Variants in SEPTIN8 observed in about 807,000 individuals in gnomAD.
SEPTIN8 encodes the protein septin 8.
In SEPTIN8, 22 loss-of-function variants were observed where a neutral mutation model predicts 53.1. That is an observed-to-expected ratio of 0.41 (90% CI 0.30 to 0.59). The LOEUF is 0.59. Among genes scored for constraint, SEPTIN8 ranks in the 20% least tolerant of loss-of-function variants. The pLI, the probability that SEPTIN8 is intolerant of heterozygous loss-of-function variation, is 0.24. For synonymous variants in SEPTIN8, 228 were observed against 248.4 expected (o/e 0.92, Z 0.77); for missense variants, 536 against 638.7 (o/e 0.84, Z 1.73).
chr5:132,759,713 C>T (rs1025829689), intron 9 of SEPTIN8, among the ~76,000 whole-genome samples: 10 of 152,122 alleles, frequency 6.6e-5, no homozygotes, highest in Admixed American at 3.9e-4. Context: ...GTTGGGTTCA[C>T]CTGCTTAGTT....
chr5:132,772,007 T>C (rs1757370802), intron 1 of SEPTIN8, among the ~76,000 whole-genome samples: 1 of 151,852 alleles, frequency 6.6e-6, no homozygotes, highest in African/African-American at 2.4e-5. Context: ...AACAGAAAAC[T>C]TGAGAGAAGA....
rs1757509125 is a variant in SEPTIN8 at position 132,773,470 on chromosome 5, C to G, written c.30+3638G>C. Among the ~76,000 whole-genome samples, 2 of 152,212 alleles carry G rather than the reference C, an allele frequency of 1.3e-5. No homozygotes were observed. Among genetic ancestry groups the G allele is most frequent in the South Asian group, 4.1e-4 (2 of 4,824 alleles). ...CCCCAAATATAATATATGCTTCCAC[C>G]TAGCCCATCCGAGGGCTCAAAACGC... On this transcript the variant is annotated intron_variant, in intron 1 of 9. Transcript: ENST00000378719. The surrounding 1 kb of genome is among the most constrained non-coding windows in gnomAD (Gnocchi z 4.2).
rs1757871427 is a variant in SEPTIN8 at position 132,777,036 on chromosome 5, C to G, written c.30+72G>C. The G allele has an allele frequency of 2.0e-6, 2 of 995,646 alleles. No homozygotes were observed. Among genetic ancestry groups the G allele is most frequent in the South Asian group, 4.9e-5 (1 of 20,446 alleles). 61.7% of individuals were successfully genotyped at this position (995,646 alleles called of 1,614,324 possible). The stretch of plus-strand genomic sequence containing the variant: ...GCGCTGACAGCCCGCTTCGCGCCCC[C>G]CGCCAGCTGCAGGGCGGCCCCTCCT... On this transcript the variant is annotated intron_variant, in intron 1 of 9. Coordinates refer to ENST00000378719, the MANE Select transcript of SEPTIN8 (RefSeq NM_001098811.2). The surrounding 1 kb of genome is among the most constrained non-coding windows in gnomAD (Gnocchi z 4.1).
At position 132,751,942 on chromosome 5, in the gene SEPTIN8, A is replaced by G. The variant is rs1754877604; in HGVS notation, c.*74T>C. ...GGAAAAGTATGGCGTTTTCTGTTCT[A>G]ACATTAAAAACCATGGTCTCCAGTT... On this transcript the variant is annotated 3_prime_UTR_variant, in exon 10 of 10. Transcript: ENST00000378719. 6.3e-7 allele frequency: 1 copy of G among 1,587,566 alleles called. No homozygotes were observed.
At chr5:132,770,093 ATATATATG>A (rs1363773886) in intron 1 of SEPTIN8, among the ~76,000 whole-genome samples, 1 of 29,838 alleles carries the variant, frequency 3.4e-5, no homozygotes, top group African/African-American at 2.8e-4. Flanking sequence ...ATATATGTAT[ATATATATG>A]TATATATGTA....
In SEPTIN8 at chr5:132,761,000, CAGAA is replaced by C. The variant is rs897368900; in HGVS notation, c.1096-12_1096-9del. On this transcript the variant is annotated splice_polypyrimidine_tract_variant and intron_variant, in intron 8 of 9. Coordinates refer to ENST00000378719, the MANE Select transcript of SEPTIN8 (RefSeq NM_001098811.2). The surrounding 1 kb of genome is among the most constrained non-coding windows in gnomAD (Gnocchi z 5.2). Reference sequence around the variant, plus strand: ...CTCAAACTTCTCATGGAGCTGGCATCAGAAAGGGGGCAGAAGATGCGGGGAGCAA... The same window carrying C: ...CTCAAACTTCTCATGGAGCTGGCATCAGGGGGCAGAAGATGCGGGGAGCAA... 3 of 1,580,638 alleles carry C rather than the reference CAGAA, an allele frequency of 1.9e-6. No homozygotes were observed. The highest frequency in any genetic ancestry group is 2.6e-6 in the Non-Finnish European group (3 of 1,163,318).
chr5:132,769,982 CA>C (rs1757011560), intron 1 of SEPTIN8, among the ~76,000 whole-genome samples: 3 of 55,354 alleles, frequency 5.4e-5, no homozygotes, highest in African/African-American at 1.2e-4. Context: ...TCTATATATA[CA>C]TATATATATA....
rs968237230 is a variant in SEPTIN8, at chr5:132,751,401, A to C, written c.*615T>G. 2 of 189,496 alleles carry C rather than the reference A, an allele frequency of 1.1e-5. No homozygotes were observed. The highest frequency in any genetic ancestry group is 4.7e-5 in the African/African-American group (2 of 42,178). The allele number at this position is 189,496 out of a possible 1,614,324, so 11.7% of individuals were successfully genotyped here. ...CACACAATCCTTATTGAAGCTTTAG[A>C]CCATATTGATCTGGCACTTAAAAAA... On this transcript the variant is annotated 3_prime_UTR_variant, in exon 10 of 10. Coordinates refer to ENST00000378719, the MANE Select transcript of SEPTIN8 (RefSeq NM_001098811.2).
intron 1 of SEPTIN8, among the ~76,000 whole-genome samples, chr5:132,770,159 A>ATATGTATG (rs1757172730): frequency 7.9e-6 from 1 of 127,160 alleles, no homozygotes; most frequent in Non-Finnish European, 1.5e-5. Context: ...ATATATATAT[A>ATATGTATG]TATATATGTA....
At chr5:132,754,175 A>G (rs1043487610) in intron 9 of SEPTIN8, 18 of 491,068 alleles carry the variant, frequency 3.7e-5, no homozygotes, top group African/African-American at 2.7e-4. Flanking sequence ...ATCCTGTATG[A>G]GTCTTATTTT....
rs1755885281 is a variant in SEPTIN8, at chr5:132,761,043, G to C, written c.1096-51C>G. 5.0e-6 allele frequency: 8 copies of C among 1,597,524 alleles called. No homozygotes were observed. The highest frequency in any genetic ancestry group is 6.8e-6 in the Non-Finnish European group (8 of 1,171,022). ...TGCGGGGAGCAAGAGGAGGGCTTGA[G>C]CCTGGGCCAGGAAGGCACCCCCACC... On this transcript the variant is annotated intron_variant, in intron 8 of 9. Coordinates refer to ENST00000378719, the MANE Select transcript of SEPTIN8 (RefSeq NM_001098811.2). This position sits in a 1 kb window ranked among gnomAD's most constrained non-coding sequence, Gnocchi z 5.8.
At chr5:132,762,005 G>C in intron 5 of SEPTIN8, 109 bp from the exon 6 acceptor site, 1 of 878,296 alleles carries the variant, frequency 1.1e-6, no homozygotes, top group Non-Finnish European at 1.7e-6. Context: ...CTGAACAAAG[G>C]CTCCAGGGCC....
In SEPTIN8 at chr5:132,775,732, C is replaced by G. The variant is rs1246048350; in HGVS notation, c.30+1376G>C. The G allele has an allele frequency of 2.6e-5, 4 of 152,242 alleles. No individual in the cohort carries two copies. The East Asian group carries it at 7.7e-4, about 29-fold the overall frequency. The allele number at this position is 152,242 out of a possible 1,614,324, so 9.4% of individuals were successfully genotyped here. On this transcript the variant is annotated intron_variant, in intron 1 of 9. Transcript: ENST00000378719. ...ACACATGCAGAGACACCCAGGCACTCACGGGTCTCTTGGCCTCCAGCTAAT... is the reference window on the plus strand; with the variant it reads ...ACACATGCAGAGACACCCAGGCACTGACGGGTCTCTTGGCCTCCAGCTAAT...
Position 132,752,885 on chromosome 5 carries a change from G to T in SEPTIN8, c.1287-704C>A, listed in dbSNP as rs113053342. The T allele has an allele frequency of 1.5e-5, 24 of 1,613,900 alleles. No homozygotes were observed. In the African/African-American group the frequency reaches 2.9e-4, roughly 20 times the overall value. ...ATACAGGTTGGTGATATGCAGTACAGCTGCTGCAAGGAACTTGTAATGCAG... is the reference window on the plus strand; with the variant it reads ...ATACAGGTTGGTGATATGCAGTACATCTGCTGCAAGGAACTTGTAATGCAG... On this transcript the variant is annotated intron_variant, in intron 9 of 9. Coordinates refer to ENST00000378719, the MANE Select transcript of SEPTIN8 (RefSeq NM_001098811.2).
chr5:132,754,947 A>G (rs1483542615), intron 9 of SEPTIN8, among the ~76,000 whole-genome samples: 1 of 152,202 alleles, frequency 6.6e-6, no homozygotes, highest in African/African-American at 2.4e-5. Context: ...GGAACAGGGC[A>G]GGGGGAGCAT....
chr5:132,760,869 C>G lies in SEPTIN8; in HGVS notation c.1219G>C (p.Ala407Pro). 1 of 1,613,628 alleles carries G rather than the reference C, an allele frequency of 6.2e-7. No individual in the cohort carries two copies. The highest frequency in any genetic ancestry group is 8.5e-7 in the Non-Finnish European group (1 of 1,179,958). The change falls in exon 9 of 10, where the codon GCC becomes CCC. Residue 407 changes from alanine to proline, a missense_variant. This residue lies in a region of SEPTIN8 where 133 missense variants were observed against 157.4 expected (regional missense o/e 0.84). Coordinates refer to ENST00000378719, the MANE Select transcript of SEPTIN8 (RefSeq NM_001098811.2). This position sits in a 1 kb window ranked among gnomAD's most constrained non-coding sequence, Gnocchi z 5.2. ...GCGTGCAAGGCCTGCGACTGCAGGGCCTCCACCGCAGCCTTCCGGCGATTG... is the reference window on the plus strand; with the variant it reads ...GCGTGCAAGGCCTGCGACTGCAGGGGCTCCACCGCAGCCTTCCGGCGATTG... ...AFNRRKAAVE[A>P]LQSQALHATS...
At chr5:132,755,601 G>A (rs987400071) in intron 9 of SEPTIN8, among the ~76,000 whole-genome samples, 1 of 152,218 alleles carries the variant, frequency 6.6e-6, no homozygotes, top group African/African-American at 2.4e-5. Flanking sequence ...ATGAGGATTA[G>A]AGGAGTTAAT....
rs1365083247 is a variant in SEPTIN8, at chr5:132,751,989, C to CT, written c.*26dup. 1 of 1,611,840 alleles carries CT rather than the reference C, an allele frequency of 6.2e-7. No individual in the cohort carries two copies. Among genetic ancestry groups the CT allele is most frequent in the African/African-American group, 1.3e-5 (1 of 75,014 alleles). On this transcript the variant is annotated 3_prime_UTR_variant, in exon 10 of 10. Transcript: ENST00000378719. ...AGTTCCATGCCCTGGTGGTCCTGAG[C>CT]TGGCCCCATGTGTTGGAGCTGCTGC...
At chr5:132,762,140 C>T (rs902897744) in intron 5 of SEPTIN8, among the ~76,000 whole-genome samples, 2 of 152,186 alleles carry the variant, frequency 1.3e-5, no homozygotes, top group East Asian at 3.8e-4. Context: ...AGCACTCGGG[C>T]CTCCCAGGGG....
Sources: allele counts gnomAD v4.1 joint callset (sites outside exome capture counted in the v4.1 genomes callset), GRCh38; gene constraint gnomAD v4.1.1; regional missense constraint gnomAD v4.1.1; non-coding constraint Gnocchi (gnomAD v3.1); transcripts MANE v1.5; gene names NCBI Gene and HGNC (gene_info 2026-07-23, HGNC 2026-07-21).